CELF2: variants seen among roughly 807,000 people sequenced by gnomAD.
The protein encoded by CELF2 is CUG triplet repeat RNA-binding protein 2.
A neutral mutation model predicts 62.6 loss-of-function variants in CELF2; 8 were observed. The observed-to-expected ratio is 0.13, with a 90% CI of 0.07 to 0.23. The LOEUF (loss-of-function observed/expected upper bound fraction) is 0.23, where lower values mean the gene tolerates loss of function less well. Among genes scored for constraint, CELF2 ranks in the 10% least tolerant of loss-of-function variants. The probability of loss-of-function intolerance (pLI) is 1.00; values close to 1 mark genes in which losing one functional copy is unlikely to be tolerated. For synonymous variants in CELF2, 258 were observed against 250.0 expected, an observed-to-expected ratio of 1.03 and a Z score of -0.30; for missense variants, 333 against 671.0, an observed-to-expected ratio of 0.50 and a Z score of 5.56.
At chr10:10,582,829 A>G in the CELF2 span, among the ~76,000 whole-genome samples, 1 of 152,210 alleles carries the variant, frequency 6.6e-6, no homozygotes, top group Non-Finnish European at 1.5e-5. Flanking sequence ...TTTGCTTTCA[A>G]TGAAAAAAGT....
intron 1 of CELF2, among the ~76,000 whole-genome samples, chr10:10,811,208 A>ATATAAAGTTTTCTTTGTTTAT (rs1272472878): frequency 1.3e-5 from 2 of 152,196 alleles, no homozygotes; most frequent in African/African-American, 4.8e-5. Flanking sequence ...TAATGGTCAA[A>ATATAAAGTTTTCTTTGTTTAT]TATAAAGTTT....
intron 1 of CELF2, among the ~76,000 whole-genome samples, chr10:11,138,044 G>T (rs1368312277): frequency 6.6e-6 from 1 of 152,148 alleles, no homozygotes; most frequent in African/African-American, 2.4e-5. Context: ...GATGATAGAT[G>T]AATTTTGGCT....
At chr10:11,197,303 C>T (rs2058217327) in intron 2 of CELF2, among the ~76,000 whole-genome samples, 1 of 152,136 alleles carries the variant, frequency 6.6e-6, no homozygotes, top group Non-Finnish European at 1.5e-5. Context: ...ACTGGTGAAT[C>T]CAGGAGCCTC....
Position 11,311,177 on chromosome 10 carries a change from C to CA in CELF2, c.977-2958dup, listed in dbSNP as rs1479786287. Among the ~76,000 whole-genome samples, 1 of 152,172 alleles carries CA rather than the reference C, an allele frequency of 6.6e-6. No individual in the cohort carries two copies. Among genetic ancestry groups the CA allele is most frequent in the Non-Finnish European group, 1.5e-5 (1 of 68,018 alleles). ...AAACTACAAGGAAAACTGACTATCT[C>CA]AAAACATAGTGCTGGGTAGGGCCAG... On this transcript the variant is annotated intron_variant, in intron 9 of 12. Coordinates refer to ENST00000633077, the MANE Select transcript of CELF2 (RefSeq NM_001326342.2). This position sits in a 1 kb window ranked among gnomAD's most constrained non-coding sequence, Gnocchi z 4.7.
chr10:10,690,057 A>G, the CELF2 span, among the ~76,000 whole-genome samples: 2 of 152,316 alleles, frequency 1.3e-5, no homozygotes, highest in East Asian at 3.9e-4. Flanking sequence ...ATGTCCATAT[A>G]TGGGTGCTAG....
chr10:11,226,626 A>G, intron 3 of CELF2, among the ~76,000 whole-genome samples: 1 of 151,790 alleles, frequency 6.6e-6, no homozygotes, highest in Non-Finnish European at 1.5e-5. Flanking sequence ...ACACACACAC[A>G]CACACACACA....
At chr10:10,699,902 C>G in the CELF2 span, among the ~76,000 whole-genome samples, 1 of 152,120 alleles carries the variant, frequency 6.6e-6, no homozygotes, top group Non-Finnish European at 1.5e-5. Flanking sequence ...GTTCTCACAG[C>G]CTTTTCCTTC....
At chr10:11,301,025 T>G (rs901672072) in intron 9 of CELF2, among the ~76,000 whole-genome samples, 1 of 152,156 alleles carries the variant, frequency 6.6e-6, no homozygotes, top group African/African-American at 2.4e-5. Context: ...ATGAGAACAT[T>G]AATGCATTTG....
rs1424770674 is a variant in CELF2, at chr10:11,301,372, T to TC, written c.977-12760dup. Among the ~76,000 whole-genome samples the TC allele has an allele frequency of 1.2e-3, 33 of 28,288 alleles. No homozygotes were observed. In the Middle Eastern group the frequency reaches 0.05, roughly 43 times the overall value. 18.6% of individuals were successfully genotyped at this position (28,288 alleles called of 152,430 possible). ...CCCTGCTCCCGCTCCCCACCCCGCT[T>TC]CCCCCCCACTTCCCCCCTCCCCCCG... On this transcript the variant is annotated intron_variant, in intron 9 of 12. Coordinates refer to ENST00000633077, the MANE Select transcript of CELF2 (RefSeq NM_001326342.2).
intron 1 of CELF2, among the ~76,000 whole-genome samples, chr10:10,829,772 G>A (rs540327843): frequency 2.0e-5 from 3 of 152,280 alleles, no homozygotes; most frequent in South Asian, 4.2e-4. Flanking sequence ...GGGTGACTGG[G>A]ACACACACAG....
chr10:10,538,995 A>T, the CELF2 span, among the ~76,000 whole-genome samples: 1 of 152,264 alleles, frequency 6.6e-6, no homozygotes, highest in East Asian at 1.9e-4. Context: ...AAAGTAATAC[A>T]GCTCAAAACT....
the CELF2 span, among the ~76,000 whole-genome samples, chr10:10,598,769 T>C: frequency 7.3e-6 from 1 of 137,670 alleles, no homozygotes; most frequent in Non-Finnish European, 1.6e-5. Context: ...TTTTTTTTTT[T>C]TTTTTTTTTG....
At chr10:10,490,122 A>G in the CELF2 span, among the ~76,000 whole-genome samples, 1 of 152,300 alleles carries the variant, frequency 6.6e-6, no homozygotes, top group East Asian at 1.9e-4. Context: ...GTCATAAACT[A>G]ATGACAACTA....
At chr10:11,183,111 G>A (rs1416225155) in intron 2 of CELF2, among the ~76,000 whole-genome samples, 1 of 152,154 alleles carries the variant, frequency 6.6e-6, no homozygotes, top group African/African-American at 2.4e-5. Context: ...GCTTCCTCAT[G>A]CACCTTGGCA....
chr10:11,302,739 A>G lies in CELF2; in HGVS notation c.977-11400A>G, dbSNP rs1591088794. 6.6e-6 allele frequency among the ~76,000 whole-genome samples: 1 copy of G among 152,156 alleles called. No individual in the cohort carries two copies. Among genetic ancestry groups the G allele is most frequent in the Admixed American group, 6.5e-5 (1 of 15,270 alleles). ...AAAAGCTGTTTCCATTTTAAGCTTA[A>G]TGGGGCTTGTATTTATGTCGATCCT... On this transcript the variant is annotated intron_variant, in intron 9 of 12. Transcript: ENST00000633077. This position sits in a 1 kb window ranked among gnomAD's most constrained non-coding sequence, Gnocchi z 5.0.
At chr10:11,192,037 C>G (rs1455643253) in intron 2 of CELF2, among the ~76,000 whole-genome samples, 5 of 152,208 alleles carry the variant, frequency 3.3e-5, no homozygotes, top group Non-Finnish European at 7.4e-5. Context: ...GTCACCTGCT[C>G]TTCTCCATGT....
chr10:10,547,021 C>T, the CELF2 span, among the ~76,000 whole-genome samples: 7 of 152,088 alleles, frequency 4.6e-5, no homozygotes, highest in African/African-American at 1.7e-4. Flanking sequence ...GAAGGAGAAT[C>T]GCTTGAACCT....
chr10:11,289,443 G>T (rs17453876), intron 9 of CELF2, among the ~76,000 whole-genome samples: 15,658 of 152,250 alleles, frequency 0.1, 909 homozygotes, highest in Middle Eastern at 0.18. Context: ...CACGCTGGCT[G>T]TTTTAGGGCT....
Position 11,118,965 on chromosome 10 carries a change from C to T in CELF2, c.75-46521C>T, listed in dbSNP as rs184956246. ...GGAGCCCTGCTCCCCTGCCAGTCTC[C>T]GATGGTGACTTCATCAGGAAAGGTG... On this transcript the variant is annotated intron_variant, in intron 1 of 12. Coordinates refer to ENST00000633077, the MANE Select transcript of CELF2 (RefSeq NM_001326342.2). 3.4e-4 allele frequency among the ~76,000 whole-genome samples: 52 copies of T among 152,298 alleles called. No homozygotes were observed. In the East Asian group the frequency reaches 5.8e-3, roughly 17 times the overall value.
Sources: gnomAD v4.1 joint callset for allele counts (sites outside exome capture counted in the v4.1 genomes callset) on GRCh38, gnomAD v4.1.1 for gene constraint, Gnocchi (gnomAD v3.1) non-coding constraint, MANE v1.5 for transcripts, NCBI Gene and HGNC (gene_info 2026-07-23, HGNC 2026-07-21) for gene names.